DCC: variants seen among roughly 807,000 people sequenced by gnomAD.
The protein encoded by DCC is DCC netrin 1 receptor.
DCC carries 58 observed loss-of-function variants against 172.5 expected under a neutral mutation model. The observed-to-expected ratio is 0.34, with a 90% CI of 0.27 to 0.42. The LOEUF is 0.42. Ranked by LOEUF, DCC falls within the 10% of genes least tolerant of loss-of-function variation. DCC has a pLI of 1.00. For missense variants in DCC, 1,740 were observed against 1,791.0 expected (o/e 0.97, Z 0.51); for synonymous variants, 709 against 644.5 (o/e 1.10, Z -1.52).
intron 1 of DCC, among the ~76,000 whole-genome samples, chr18:52,626,591 G>T (rs34944731): frequency 2.2e-4 from 33 of 151,972 alleles, no homozygotes; most frequent in Non-Finnish European, 3.2e-4. Flanking sequence ...CCTAGCCAAA[G>T]TCTCCAAGTC....
At chr18:52,528,398 A>G (rs2032046280) in intron 1 of DCC, among the ~76,000 whole-genome samples, 1 of 152,192 alleles carries the variant, frequency 6.6e-6, no homozygotes, top group South Asian at 2.1e-4. Flanking sequence ...TATTATAAAG[A>G]TACATATGAA....
chr18:52,992,411 C>G (rs189611535), intron 5 of DCC, among the ~76,000 whole-genome samples: 73 of 152,194 alleles, frequency 4.8e-4, no homozygotes, highest in African/African-American at 1.7e-3. Flanking sequence ...CTGTAGAAAC[C>G]GTTTTGGGGA....
At chr18:53,167,121 A>T (rs2054933734) in intron 8 of DCC, among the ~76,000 whole-genome samples, 1 of 152,266 alleles carries the variant, frequency 6.6e-6, no homozygotes, top group Non-Finnish European at 1.5e-5. Context: ...CCCTGAAGCA[A>T]CTAATTAGGT....
intron 5 of DCC, among the ~76,000 whole-genome samples, chr18:53,003,390 C>G (rs540206370): frequency 2.6e-5 from 4 of 152,224 alleles, no homozygotes; most frequent in African/African-American, 9.6e-5. Flanking sequence ...AGTGGCGGAG[C>G]CTGTGTGGAT....
chr18:53,211,755 T>C (rs1021458924), intron 11 of DCC, among the ~76,000 whole-genome samples: 1 of 151,724 alleles, frequency 6.6e-6, no homozygotes, highest in African/African-American at 2.4e-5. Context: ...AAATATAAAA[T>C]AAATATGAAT....
rs1350467299 is a variant in DCC, at chr18:52,943,175, A to G, written c.985+17805A>G. Among the ~76,000 whole-genome samples the G allele has an allele frequency of 1.1e-4, 16 of 152,324 alleles. No individual in the cohort carries two copies. In the East Asian group the frequency reaches 2.9e-3, roughly 28 times the overall value. ...AAGCACTATTATAAATTTTACAAGC[A>G]ATTAACTTTAGACTGATAGAAATAG... On this transcript the variant is annotated intron_variant, in intron 5 of 28. Transcript: ENST00000442544.
intron 5 of DCC, among the ~76,000 whole-genome samples, chr18:52,931,090 C>T (rs567180510): frequency 6.6e-6 from 1 of 151,976 alleles, no homozygotes; most frequent in East Asian, 1.9e-4. Context: ...TCATTTATAA[C>T]TACTCTAGAA....
chr18:52,439,875 C>A (rs1366812786), intron 1 of DCC, among the ~76,000 whole-genome samples: 1 of 152,066 alleles, frequency 6.6e-6, no homozygotes, highest in Non-Finnish European at 1.5e-5. Context: ...CATAAATATA[C>A]ACACCTACTA....
chr18:52,440,167 G>T (rs529688964), intron 1 of DCC, among the ~76,000 whole-genome samples: 1 of 152,058 alleles, frequency 6.6e-6, no homozygotes, highest in Non-Finnish European at 1.5e-5. Context: ...AATTTGAAGC[G>T]CATACCCCTT....
Position 53,502,305 on chromosome 18 carries a change from G to A in DCC, c.4111+2795G>A, listed in dbSNP as rs765352238. On this transcript the variant is annotated intron_variant, in intron 27 of 28. Transcript: ENST00000442544. ...GAATTATTAAATTCTTTTTCCTTTA[G>A]TGTTTCTCTCTTATTGTCTTCCTAT... Among the ~76,000 whole-genome samples the A allele has an allele frequency of 5.0e-4, 76 of 152,014 alleles. 1 individual carries two copies. Among genetic ancestry groups the A allele is most frequent in the Admixed American group, 2.6e-3 (40 of 15,254 alleles).
intron 12 of DCC, among the ~76,000 whole-genome samples, chr18:53,272,445 C>A (rs1351429016): frequency 1.3e-5 from 2 of 152,112 alleles, no homozygotes; most frequent in African/African-American, 4.8e-5. Context: ...ACAGAACTAT[C>A]AATTGCCACT....
chr18:53,498,561 GAAAAAA>G (rs10686831), intron 26 of DCC, among the ~76,000 whole-genome samples: 1 of 139,796 alleles, frequency 7.2e-6, no homozygotes, highest in African/African-American at 2.6e-5. Context: ...GTGTTCTCTG[GAAAAAA>G]AAAAAAAAAG....
rs1413211381 is a variant in DCC, at chr18:52,662,717, A to G, written c.92-89337A>G. On this transcript the variant is annotated intron_variant, in intron 1 of 28. Coordinates refer to ENST00000442544, the MANE Select transcript of DCC (RefSeq NM_005215.4). ...GAAAAGAAAGAAAGAAAATTAACACATTCACATTTGCTGTCTTAGTCCATT... is the reference window on the plus strand; with the variant it reads ...GAAAAGAAAGAAAGAAAATTAACACGTTCACATTTGCTGTCTTAGTCCATT... Among the ~76,000 whole-genome samples, 5 of 152,366 alleles carry G rather than the reference A, an allele frequency of 3.3e-5. No individual in the cohort carries two copies. In the East Asian group the frequency reaches 7.7e-4, roughly 23 times the overall value.
chr18:53,291,824 A>G (rs2057008442), intron 12 of DCC, among the ~76,000 whole-genome samples: 1 of 152,218 alleles, frequency 6.6e-6, no homozygotes, highest in African/African-American at 2.4e-5. Context: ...GTCTATTGAT[A>G]CTGACAAATT....
intron 12 of DCC, among the ~76,000 whole-genome samples, chr18:53,241,403 C>T (rs75524774): frequency 0.019 from 2,843 of 152,262 alleles, 36 homozygotes; most frequent in Non-Finnish European, 0.029. Flanking sequence ...CTTTCCCCCA[C>T]GGAGCAGCAC....
At chr18:52,923,598 C>T (rs370171818) in intron 3 of DCC, 109 bp from the exon 4 acceptor site, 1 of 854,186 alleles carries the variant, frequency 1.2e-6, no homozygotes, top group African/African-American at 1.7e-5. Context: ...ATTTCATTGG[C>T]ATCTTTTCAT....
chr18:52,852,600 T>A (rs1470322271), intron 2 of DCC, among the ~76,000 whole-genome samples: 1 of 151,110 alleles, frequency 6.6e-6, no homozygotes, highest in Non-Finnish European at 1.5e-5. Context: ...TGTCCATGAA[T>A]GTTAAATAGA....
At chr18:53,110,095 T>A (rs1282476755) in intron 7 of DCC, among the ~76,000 whole-genome samples, 4 of 151,644 alleles carry the variant, frequency 2.6e-5, no homozygotes, top group African/African-American at 7.2e-5. Context: ...TTGAAGAATG[T>A]CTAACTCATA....
intron 1 of DCC, among the ~76,000 whole-genome samples, chr18:52,401,979 A>C (rs990624065): frequency 6.6e-6 from 1 of 151,926 alleles, no homozygotes; most frequent in Non-Finnish European, 1.5e-5. Context: ...ATTTATAACG[A>C]TATTATAGGA....
Sources: allele counts gnomAD v4.1 joint callset (sites outside exome capture counted in the v4.1 genomes callset), GRCh38; gene constraint gnomAD v4.1.1; transcripts MANE v1.5; gene names NCBI Gene and HGNC (gene_info 2026-07-23, HGNC 2026-07-21).